Variants in KBTBD11 observed in about 807,000 individuals in gnomAD.
KBTBD11 encodes the protein kelch repeat and BTB domain containing 11, also known as kelch repeat and BTB domain-containing protein 11.
For synonymous variants in KBTBD11, 747 were observed against 499.0 expected (o/e 1.50, Z -6.63); for missense variants, 1,390 against 1,001.8 (o/e 1.39, Z -5.23).
intron 1 of KBTBD11, among the ~76,000 whole-genome samples, chr8:1,979,359 G>A (rs1260547161): frequency 7.2e-5 from 11 of 152,256 alleles, no homozygotes; most frequent in Non-Finnish European, 1.0e-4. Flanking sequence ...GCCAGGTGCA[G>A]TGGCTCACGC....
In KBTBD11 at chr8:2,003,530, T is replaced by G. The variant is rs936894570; in HGVS notation, c.*466T>G. 5.9e-6 allele frequency: 1 copy of G among 169,128 alleles called. No homozygotes were observed. Among genetic ancestry groups the G allele is most frequent in the Non-Finnish European group, 1.4e-5 (1 of 69,698 alleles). The allele number at this position is 169,128 out of a possible 1,614,324, so 10.5% of individuals were successfully genotyped here. A position where few individuals can be genotyped will look rare whatever the true frequency, so the allele number is the denominator to read the frequency against. Reference sequence around the variant, plus strand: ...TTGGCTTGAGATTTAAAATTATAACTGATAAGTAAAGCTCTTTCTGATTTA... The same window carrying G: ...TTGGCTTGAGATTTAAAATTATAACGGATAAGTAAAGCTCTTTCTGATTTA... On this transcript the variant is annotated 3_prime_UTR_variant, in exon 2 of 2. Transcript: ENST00000320248.
At chr8:1,987,516 G>A (rs1816744571) in intron 1 of KBTBD11, among the ~76,000 whole-genome samples, 1 of 152,040 alleles carries the variant, frequency 6.6e-6, no homozygotes, top group Admixed American at 6.6e-5. Context: ...AGGTGACCGG[G>A]CCCTTGTGCT....
chr8:2,003,158 C>T lies in KBTBD11; in HGVS notation c.*94C>T, dbSNP rs1312578182. 2 of 1,246,502 alleles carry T rather than the reference C, an allele frequency of 1.6e-6. No homozygotes were observed. The highest frequency in any genetic ancestry group is 4.2e-5 in the Admixed American group (1 of 23,560). 77.2% of individuals were successfully genotyped at this position (1,246,502 alleles called of 1,614,324 possible). On this transcript the variant is annotated 3_prime_UTR_variant, in exon 2 of 2. Transcript: ENST00000320248. ...AGGAGGACGTGGTGGGGAGTCGGGG[C>T]CGCTGGCCACGCTGGTGGTTTGGAC...
intron 1 of KBTBD11, among the ~76,000 whole-genome samples, chr8:1,992,805 G>A (rs1397562549): frequency 6.6e-6 from 1 of 151,788 alleles, no homozygotes; most frequent in Admixed American, 6.6e-5. Flanking sequence ...CCAACATCCA[G>A]ATATAACTAT....
Position 2,004,342 on chromosome 8 carries a change from A to G in KBTBD11, c.*1278A>G, listed in dbSNP as rs981834632. On this transcript the variant is annotated 3_prime_UTR_variant, in exon 2 of 2. Transcript: ENST00000320248. ...CAAGTGTGTATACAGAGGACTTACTATTATGACTTTGAGGATGAGATCCAT... is the reference window on the plus strand; with the variant it reads ...CAAGTGTGTATACAGAGGACTTACTGTTATGACTTTGAGGATGAGATCCAT... The G allele has an allele frequency of 2.4e-5, 4 of 167,016 alleles. No homozygotes were observed. The South Asian group carries it at 6.2e-4, about 26-fold the overall frequency. 10.3% of individuals were successfully genotyped at this position (167,016 alleles called of 1,614,324 possible).
intron 1 of KBTBD11, among the ~76,000 whole-genome samples, chr8:1,999,477 C>G (rs1191979447): frequency 2.0e-5 from 3 of 152,150 alleles, no homozygotes; most frequent in Non-Finnish European, 4.4e-5. Flanking sequence ...CTCTAAGACT[C>G]TAAGTTTCTT....
rs1817485459 is a variant in KBTBD11 at position 2,003,703 on chromosome 8, A to G, written c.*639A>G. ...GTATTTCCTTCCCCACACCATTGCT[A>G]CTCAAACTCACATGCCTAGAGCAGC... On this transcript the variant is annotated 3_prime_UTR_variant, in exon 2 of 2. Transcript: ENST00000320248. The G allele has an allele frequency of 6.0e-6, 1 of 167,012 alleles. No homozygotes were observed. The highest frequency in any genetic ancestry group is 2.1e-4 in the South Asian group (1 of 4,828). The allele number at this position is 167,012 out of a possible 1,614,324, so 10.3% of individuals were successfully genotyped here.
Position 2,001,751 on chromosome 8 carries a change from C to T in KBTBD11, c.559C>T (p.Leu187Phe). Residue 187 changes from leucine (L) to phenylalanine (F), a missense_variant, in exon 2 of 2, where the codon CTC (leucine) becomes TTC (phenylalanine). Transcript: ENST00000320248. ...QGVSLTALRL[L>F]LADAYSGRMA... Reference sequence around the variant, plus strand: ...AGTGAGCCTGACGGCGCTGCGGCTGCTCCTCGCCGACGCCTACAGCGGGCG... The same window carrying T: ...AGTGAGCCTGACGGCGCTGCGGCTGTTCCTCGCCGACGCCTACAGCGGGCG... The T allele has an allele frequency of 7.6e-7, 1 of 1,323,130 alleles. No individual in the cohort carries two copies. The highest frequency in any genetic ancestry group is 3.2e-5 in the East Asian group (1 of 31,158). 82.0% of individuals were successfully genotyped at this position (1,323,130 alleles called of 1,614,324 possible).
At chr8:1,994,238 G>A (rs1461491915) in intron 1 of KBTBD11, among the ~76,000 whole-genome samples, 1 of 151,410 alleles carries the variant, frequency 6.6e-6, no homozygotes, top group Non-Finnish European at 1.5e-5. Flanking sequence ...GTGGGGGACA[G>A]CTGGTGGAGC....
intron 1 of KBTBD11, among the ~76,000 whole-genome samples, chr8:1,998,541 G>A (rs1817226781): frequency 6.6e-6 from 1 of 152,152 alleles, no homozygotes; most frequent in Non-Finnish European, 1.5e-5. Context: ...CGGGATGGAG[G>A]CTCCTGTACA....
At chr8:1,975,368 A>G (rs1283496398) in intron 1 of KBTBD11, 1 of 152,266 alleles carries the variant, frequency 6.6e-6, no homozygotes, top group Non-Finnish European at 1.5e-5. Context: ...TCAATTACAG[A>G]CCGCCAAGTT....
Position 1,986,964 on chromosome 8 carries a change from G to T in KBTBD11, c.-909+13029G>T, listed in dbSNP as rs564543899. On this transcript the variant is annotated intron_variant, in intron 1 of 1. Transcript: ENST00000320248. ...GATGCAGGAGGACCAGGGGAGCCCA[G>T]GAGTTGAAGACAGCCTGGCAACATA... Among the ~76,000 whole-genome samples the T allele has an allele frequency of 1.1e-4, 14 of 132,338 alleles. No individual in the cohort carries two copies. In the South Asian group the frequency reaches 3.4e-3, roughly 33 times the overall value. The allele number at this position is 132,338 out of a possible 152,430, so 86.8% of individuals were successfully genotyped here. A position where few individuals can be genotyped will look rare whatever the true frequency, so the allele number is the denominator to read the frequency against.
In KBTBD11 at chr8:2,002,737, G is replaced by C. The variant is rs1817436139; in HGVS notation, c.1545G>C (p.Gln515His). ...FDLSGSRGEA[Q>H]AAGPSGVSVS... Reference sequence around the variant, plus strand: ...TGAGCGGCAGCCGCGGCGAGGCGCAGGCGGCGGGGCCGAGCGGGGTCAGCG... The same window carrying C: ...TGAGCGGCAGCCGCGGCGAGGCGCACGCGGCGGGGCCGAGCGGGGTCAGCG... The change falls in exon 2 of 2, where the codon CAG becomes CAC. Residue 515 changes from glutamine (Q) to histidine (H), a missense_variant. Physicochemically the swap from Gln to His is conservative, Grantham distance 24 (BLOSUM62 0). Coordinates refer to ENST00000320248, the MANE Select transcript of KBTBD11 (RefSeq NM_014867.3). The surrounding 1 kb of genome is among the most constrained non-coding windows in gnomAD (Gnocchi z 4.1). 3 of 1,500,770 alleles carry C rather than the reference G, an allele frequency of 2.0e-6. No individual in the cohort carries two copies. The highest frequency in any genetic ancestry group is 2.5e-5 in the South Asian group (2 of 78,482). The allele number at this position is 1,500,770 out of a possible 1,614,324, so 93.0% of individuals were successfully genotyped here.
In KBTBD11 at chr8:2,006,112, A is replaced by C. The variant is rs183459592; in HGVS notation, c.*3048A>C. On this transcript the variant is annotated 3_prime_UTR_variant, in exon 2 of 2. Coordinates refer to ENST00000320248, the MANE Select transcript of KBTBD11 (RefSeq NM_014867.3). ...TGTTGTGGAAATTCTTTGGCTACTT[A>C]ACTAAAACTCGTGACTGTATAAGTT... is the stretch of plus-strand genomic sequence containing the variant. 6.0e-6 allele frequency: 1 copy of C among 167,190 alleles called. No homozygotes were observed. 10.4% of individuals were successfully genotyped at this position (167,190 alleles called of 1,614,324 possible).
chr8:1,973,930 G>A lies in KBTBD11; in HGVS notation c.-914G>A. ...GGCCCGGCGGCTGAAGAGGAGCCGC[G>A]GCGAGGTAGGGCGGACCCCGGGGAG... On this transcript the variant is annotated 5_prime_UTR_variant, in exon 1 of 2. Coordinates refer to ENST00000320248, the MANE Select transcript of KBTBD11 (RefSeq NM_014867.3). 4 of 982,864 alleles carry A rather than the reference G, an allele frequency of 4.1e-6. No homozygotes were observed. The highest frequency in any genetic ancestry group is 4.8e-6 in the Non-Finnish European group (4 of 828,564). 60.9% of individuals were successfully genotyped at this position (982,864 alleles called of 1,614,324 possible).
At chr8:1,976,204 A>G (rs555502757) in intron 1 of KBTBD11, 1 of 152,034 alleles carries the variant, frequency 6.6e-6, no homozygotes, top group Non-Finnish European at 1.5e-5. Flanking sequence ...GTCATTCAGC[A>G]TGTGTTCCCT....
At chr8:1,990,470 A>G (rs35484205) in intron 1 of KBTBD11, among the ~76,000 whole-genome samples, 133 of 82,458 alleles carry the variant, frequency 1.6e-3, no homozygotes, top group Non-Finnish European at 2.1e-3. Context: ...GTCCGGGTAG[A>G]TGCTGCTGGG....
rs926205954 is a variant in KBTBD11 at position 2,004,527 on chromosome 8, G to A, written c.*1463G>A. The A allele has an allele frequency of 6.0e-6, 1 of 167,068 alleles. No individual in the cohort carries two copies. The highest frequency in any genetic ancestry group is 1.5e-5 in the Non-Finnish European group (1 of 68,120). The allele number at this position is 167,068 out of a possible 1,614,324, so 10.3% of individuals were successfully genotyped here. The stretch of plus-strand genomic sequence containing the variant: ...AACTGCCATCTCTGTAGAAATCAGT[G>A]GGTAATTGAAAAATAGGTTATGCTT... On this transcript the variant is annotated 3_prime_UTR_variant, in exon 2 of 2. Transcript: ENST00000320248.
intron 1 of KBTBD11, among the ~76,000 whole-genome samples, chr8:1,993,715 T>C (rs1817021860): frequency 1.3e-5 from 2 of 151,908 alleles, no homozygotes; most frequent in Non-Finnish European, 2.9e-5. Flanking sequence ...TGATACTATG[T>C]GGTGCTAAAA....
Sources: gnomAD v4.1 joint callset for allele counts (sites outside exome capture counted in the v4.1 genomes callset) on GRCh38, gnomAD v4.1.1 for gene constraint, Gnocchi (gnomAD v3.1) non-coding constraint, MANE v1.5 for transcripts, NCBI Gene and HGNC (gene_info 2026-07-23, HGNC 2026-07-21) for gene names.